BUB1B: variants seen among roughly 807,000 people sequenced by gnomAD.
BUB1B encodes the protein BUB1 mitotic checkpoint serine/threonine kinase B.
In BUB1B, 86 loss-of-function variants were observed where a neutral mutation model predicts 137.7. The observed-to-expected ratio is 0.62, with a 90% confidence interval of 0.52 to 0.75. The LOEUF (loss-of-function observed/expected upper bound fraction) is 0.75. BUB1B is among the 30% of genes least tolerant of loss of function. BUB1B has a pLI of 0.00. For missense variants in BUB1B, 1,130 were observed against 1,236.9 expected, an observed-to-expected ratio of 0.91 and a Z score of 1.30; for synonymous variants, 420 against 417.9, an observed-to-expected ratio of 1.00 and a Z score of -0.06.
chr15:40,194,194 G>C, intron 8 of BUB1B, among the ~76,000 whole-genome samples: 1 of 152,104 alleles, frequency 6.6e-6, no homozygotes, highest in Non-Finnish European at 1.5e-5. Flanking sequence ...TTGCAAATGG[G>C]TAAAATAGGT....
chr15:40,199,065 C>G (rs970389992), intron 9 of BUB1B, among the ~76,000 whole-genome samples: 3 of 152,200 alleles, frequency 2.0e-5, no homozygotes, highest in African/African-American at 7.2e-5. Flanking sequence ...TGCATTGGGG[C>G]CTTTGTGCCA....
At chr15:40,185,737 G>A in intron 8 of BUB1B, 95 bp downstream of exon 8, 3 of 1,225,852 alleles carry the variant, frequency 2.4e-6, no homozygotes. Flanking sequence ...TCTTTATGAA[G>A]ATGAAAGTAA....
At chr15:40,206,543 C>G in intron 15 of BUB1B, 85 bp downstream of exon 15, 1 of 1,544,482 alleles carries the variant, frequency 6.5e-7, no homozygotes, top group Non-Finnish European at 8.9e-7. Flanking sequence ...AATCAGTTAT[C>G]AAGTTCTTAC....
At position 40,171,788 on chromosome 15, in the gene BUB1B, G is replaced by T. The variant is rs118111796; in HGVS notation, c.384+1107G>T. Among the ~76,000 whole-genome samples the T allele has an allele frequency of 5.4e-3, 827 of 152,240 alleles. 3 individuals are homozygous for T. Among genetic ancestry groups the T allele is most frequent in the Middle Eastern group, 0.014 (4 of 294 alleles). On this transcript the variant is annotated intron_variant, in intron 4 of 22. Coordinates refer to ENST00000287598, the MANE Select transcript of BUB1B (RefSeq NM_001211.6). ...GCTACAGCCAAAAATGTCTGCCTCA[G>T]CTGGGCATGGTGGCTCATGCCTGTA...
At chr15:40,199,774 A>C (rs879312907) in intron 10 of BUB1B, 47 bp downstream of exon 10, 2 of 1,368,324 alleles carry the variant, frequency 1.5e-6, no homozygotes, top group Middle Eastern at 1.8e-4. Context: ...ATTGAAACAA[A>C]TTTAAACATT....
chr15:40,173,295 TAAAAAA>T (rs61078619), intron 4 of BUB1B, among the ~76,000 whole-genome samples: 4 of 85,898 alleles, frequency 4.7e-5, no homozygotes, highest in African/African-American at 1.1e-4. Flanking sequence ...GAAAAAAAGA[TAAAAAA>T]AAAAAAAAAA....
intron 15 of BUB1B, 27 bp from the exon 16 acceptor site, chr15:40,208,610 G>T: frequency 6.3e-7 from 1 of 1,588,648 alleles, no homozygotes; most frequent in Non-Finnish European, 8.6e-7. Context: ...ATTCCTATAA[G>T]AATTAACTTA....
At chr15:40,170,471 C>T (rs1028509560) in intron 3 of BUB1B, 66 bp from the exon 4 acceptor site, 13 of 1,572,568 alleles carry the variant, frequency 8.3e-6, no homozygotes, top group Non-Finnish European at 1.0e-5. Context: ...CAGAATGGGT[C>T]TTGGAGCAAG....
chr15:40,163,996 C>A (rs552037179), intron 1 of BUB1B, among the ~76,000 whole-genome samples: 108 of 152,252 alleles, frequency 7.1e-4, no homozygotes, highest in Middle Eastern at 3.4e-3. Flanking sequence ...TAGAAATAGT[C>A]TTCTATCTAA....
chr15:40,192,616 C>T (rs2037450829), intron 8 of BUB1B, among the ~76,000 whole-genome samples: 1 of 152,152 alleles, frequency 6.6e-6, no homozygotes, highest in Non-Finnish European at 1.5e-5. Flanking sequence ...TAGTTCTGCC[C>T]TTTCCAGAAA....
At chr15:40,182,313 T>C (rs1230347399) in intron 5 of BUB1B, among the ~76,000 whole-genome samples, 1 of 152,256 alleles carries the variant, frequency 6.6e-6, no homozygotes, top group East Asian at 1.9e-4. Context: ...TTCTAGTTCT[T>C]TGTGTGTCAA....
chr15:40,208,223 G>T (rs971338548), intron 15 of BUB1B, among the ~76,000 whole-genome samples: 1 of 151,710 alleles, frequency 6.6e-6, no homozygotes, highest in African/African-American at 2.4e-5. Context: ...AAAAATAAAA[G>T]AATAACATAA....
chr15:40,215,720 GA>G (rs1369801587), intron 20 of BUB1B, among the ~76,000 whole-genome samples: 1 of 152,112 alleles, frequency 6.6e-6, no homozygotes, highest in African/African-American at 2.4e-5. Context: ...AGTGAGCCAA[GA>G]TCATGCCACT....
At chr15:40,185,688 G>A in intron 8 of BUB1B, 46 bp downstream of exon 8, 1 of 1,551,232 alleles carries the variant, frequency 6.4e-7, no homozygotes, top group South Asian at 1.1e-5. Context: ...TATTAAGGGT[G>A]GGCAGAGGCA....
intron 4 of BUB1B, among the ~76,000 whole-genome samples, chr15:40,176,083 G>A (rs1294825319): frequency 1.3e-5 from 2 of 152,162 alleles, no homozygotes; most frequent in Non-Finnish European, 2.9e-5. Context: ...TGGGTAGCTA[G>A]GACTACAGGC....
chr15:40,212,654 TA>T lies in BUB1B; in HGVS notation c.2535+8del. The T allele has an allele frequency of 6.2e-7, 1 of 1,611,778 alleles. No individual in the cohort carries two copies. The highest frequency in any genetic ancestry group is 8.5e-7 in the Non-Finnish European group (1 of 1,178,912). On this transcript the variant is annotated splice_region_variant and intron_variant, in intron 19 of 22. Transcript: ENST00000287598. ...TAAACTGCTTCACCCTTCAGGTCTG[TA>T]ATACTAAAAACATAATTTAAAGTCC...
At chr15:40,205,582 A>T (rs760218934) in intron 14 of BUB1B, among the ~76,000 whole-genome samples, 1 of 152,220 alleles carries the variant, frequency 6.6e-6, no homozygotes, top group African/African-American at 2.4e-5. Context: ...TTAAACTAGT[A>T]AAAAACAGAA....
intron 22 of BUB1B, among the ~76,000 whole-genome samples, chr15:40,219,056 C>T (rs1308141565): frequency 1.3e-5 from 2 of 152,224 alleles, no homozygotes; most frequent in Middle Eastern, 3.4e-3. Context: ...GGATTACAGG[C>T]GTGCGCCACC....
At chr15:40,166,992 A>G (rs2037106665) in intron 2 of BUB1B, among the ~76,000 whole-genome samples, 1 of 151,856 alleles carries the variant, frequency 6.6e-6, no homozygotes, top group South Asian at 2.1e-4. Context: ...GGGGTTCTTT[A>G]TTTACTTTTC....
Sources: allele counts gnomAD v4.1 joint callset (sites outside exome capture counted in the v4.1 genomes callset), GRCh38; gene constraint gnomAD v4.1.1; transcripts MANE v1.5; gene names NCBI Gene and HGNC (gene_info 2026-07-23, HGNC 2026-07-21).